The following MOB3B variants were observed in gnomAD, a reference collection of about 807,000 sequenced individuals.
MOB3B encodes the protein MOB kinase activator 3B.
Under a neutral mutation model 18.7 loss-of-function variants are expected in MOB3B, and 7 were observed. That is an observed-to-expected ratio of 0.37 (90% CI 0.21 to 0.70). MOB3B has a LOEUF of 0.70. Among genes scored for constraint, MOB3B ranks in the 30% least tolerant of loss-of-function variants. The pLI is 0.52. For missense variants in MOB3B, 253 were observed against 281.3 expected, an observed-to-expected ratio of 0.90 and a Z score of 0.72; for synonymous variants, 111 against 99.9, an observed-to-expected ratio of 1.11 and a Z score of -0.66.
intron 1 of MOB3B, among the ~76,000 whole-genome samples, chr9:27,503,244 T>A (rs572768710): frequency 6.6e-5 from 10 of 152,304 alleles, no homozygotes; most frequent in Non-Finnish European, 1.3e-4. Flanking sequence ...TGCCTTTACA[T>A]GGTACCTATA....
intron 3 of MOB3B, among the ~76,000 whole-genome samples, chr9:27,354,087 C>A (rs113317458): frequency 6.6e-6 from 1 of 152,230 alleles, no homozygotes; most frequent in Admixed American, 6.5e-5. Context: ...CATGTGTTTG[C>A]CTGGGTTCCC....
chr9:27,471,276 A>C (rs1001490659), intron 1 of MOB3B, among the ~76,000 whole-genome samples: 2 of 152,174 alleles, frequency 1.3e-5, no homozygotes, highest in Non-Finnish European at 2.9e-5. Flanking sequence ...TAGGCAGGAG[A>C]CAAAAGTGGT....
In MOB3B at chr9:27,329,842, G is replaced by C. The variant is rs189257225; in HGVS notation, c.*745C>G. 7.2e-5 allele frequency: 11 copies of C among 152,730 alleles called. No homozygotes were observed. The highest frequency in any genetic ancestry group is 4.6e-4 in the Admixed American group (7 of 15,296). The allele number at this position is 152,730 out of a possible 1,614,324, so 9.5% of individuals were successfully genotyped here. A position where few individuals can be genotyped will look rare whatever the true frequency, so the allele number is the denominator to read the frequency against. On this transcript the variant is annotated 3_prime_UTR_variant, in exon 4 of 4. Transcript: ENST00000262244. ...GTTATAAAAAATACATTCTGATCAG[G>C]TGAACTGGTAACTTGTCAGCTTTAC...
chr9:27,461,669 A>G (rs1473124000), intron 1 of MOB3B, among the ~76,000 whole-genome samples: 1 of 152,230 alleles, frequency 6.6e-6, no homozygotes, highest in Non-Finnish European at 1.5e-5. Flanking sequence ...TTTGAATTGC[A>G]TTCTTGCTGT....
chr9:27,338,344 A>T (rs1820892094), intron 3 of MOB3B, among the ~76,000 whole-genome samples: 1 of 152,084 alleles, frequency 6.6e-6, no homozygotes, highest in Non-Finnish European at 1.5e-5. Context: ...AGACAGAGCA[A>T]TTCCCAGAAA....
chr9:27,515,101 TGA>T (rs1405725607), intron 1 of MOB3B, among the ~76,000 whole-genome samples: 1 of 152,206 alleles, frequency 6.6e-6, no homozygotes, highest in East Asian at 1.9e-4. Flanking sequence ...TAGGAAGCCC[TGA>T]GATTTGCAAC....
chr9:27,350,235 CAAA>C (rs34779449), intron 3 of MOB3B, among the ~76,000 whole-genome samples: 5 of 66,852 alleles, frequency 7.5e-5, no homozygotes, highest in Admixed American at 1.7e-4. Context: ...AAGTATATAC[CAAA>C]AAAAAAAAAA....
At chr9:27,363,262 G>A (rs1356070332) in intron 2 of MOB3B, among the ~76,000 whole-genome samples, 3 of 151,910 alleles carry the variant, frequency 2.0e-5, no homozygotes, top group African/African-American at 2.4e-5. Context: ...CAGGTTTTTC[G>A]TTTTTTTGTT....
At chr9:27,365,852 G>C (rs1821336001) in intron 2 of MOB3B, among the ~76,000 whole-genome samples, 1 of 152,192 alleles carries the variant, frequency 6.6e-6, no homozygotes, top group African/African-American at 2.4e-5. Context: ...AAACGGACCA[G>C]TACTGAAATG....
intron 1 of MOB3B, among the ~76,000 whole-genome samples, chr9:27,503,500 G>A (rs1054557947): frequency 2.0e-5 from 3 of 152,206 alleles, no homozygotes; most frequent in Non-Finnish European, 2.9e-5. Context: ...TGTCCTAGAA[G>A]GCGGCCCTGC....
intron 1 of MOB3B, chr9:27,524,658 G>A: frequency 6.2e-7 from 1 of 1,614,088 alleles, no homozygotes; most frequent in Non-Finnish European, 8.5e-7. Context: ...ATATTGGAAA[G>A]AGAGACACCT....
intron 3 of MOB3B, among the ~76,000 whole-genome samples, chr9:27,351,412 C>T (rs1393235330): frequency 1.3e-5 from 2 of 152,192 alleles, no homozygotes; most frequent in African/African-American, 4.8e-5. Context: ...AGGCTCAGAG[C>T]CATTACATGC....
At chr9:27,515,587 A>T (rs937433268) in intron 1 of MOB3B, among the ~76,000 whole-genome samples, 1 of 152,234 alleles carries the variant, frequency 6.6e-6, no homozygotes, top group African/African-American at 2.4e-5. Flanking sequence ...TATTATTATT[A>T]ATAGCTATAC....
intron 3 of MOB3B, among the ~76,000 whole-genome samples, chr9:27,341,407 A>G (rs1820939662): frequency 6.6e-6 from 1 of 152,232 alleles, no homozygotes; most frequent in African/African-American, 2.4e-5. Flanking sequence ...ATTGCTTAAT[A>G]AGACCTCTAT....
intron 2 of MOB3B, among the ~76,000 whole-genome samples, chr9:27,419,834 C>T (rs572303358): frequency 1.3e-4 from 20 of 151,992 alleles, no homozygotes; most frequent in South Asian, 1.2e-3. Flanking sequence ...AGCTTTTGCA[C>T]GAAAAAAGGA....
At chr9:27,510,788 C>T (rs531194370) in intron 1 of MOB3B, among the ~76,000 whole-genome samples, 2 of 152,272 alleles carry the variant, frequency 1.3e-5, no homozygotes, top group East Asian at 3.9e-4. Context: ...TGCTCTGGTG[C>T]TACCCACAGC....
intron 2 of MOB3B, among the ~76,000 whole-genome samples, chr9:27,412,208 TAA>T (rs1359751221): frequency 2.7e-5 from 4 of 148,340 alleles, no homozygotes; most frequent in Admixed American, 2.0e-4. Context: ...AAAAATAAGA[TAA>T]AATCAAGGAG....
intron 2 of MOB3B, among the ~76,000 whole-genome samples, chr9:27,360,221 C>T (rs1198813149): frequency 2.6e-5 from 4 of 152,060 alleles, no homozygotes; most frequent in Non-Finnish European, 4.4e-5. Flanking sequence ...AAGAATTACC[C>T]GGCCAGATGC....
intron 1 of MOB3B, among the ~76,000 whole-genome samples, chr9:27,492,572 C>A (rs973947477): frequency 2.0e-5 from 3 of 152,020 alleles, no homozygotes; most frequent in African/African-American, 7.3e-5. Flanking sequence ...ATTAGCAGAC[C>A]AATAGGATTT....
Sources: allele counts gnomAD v4.1 joint callset (sites outside exome capture counted in the v4.1 genomes callset), GRCh38; gene constraint gnomAD v4.1.1; transcripts MANE v1.5; gene names NCBI Gene and HGNC (gene_info 2026-07-23, HGNC 2026-07-21).